Variants in ZSCAN12 observed in about 807,000 individuals in gnomAD.
ZSCAN12 encodes zinc finger and SCAN domain-containing protein 12.
ZSCAN12 carries 18 observed loss-of-function variants against 23.4 expected under a neutral mutation model. That is an observed-to-expected ratio of 0.77 (90% CI 0.53 to 1.14). The LOEUF is 1.14. ZSCAN12 is among the 50% of genes most tolerant of loss of function. The pLI is 0.00. For missense variants in ZSCAN12, 650 were observed against 735.0 expected, an observed-to-expected ratio of 0.88 and a Z score of 1.34; for synonymous variants, 186 against 253.4, an observed-to-expected ratio of 0.73 and a Z score of 2.53.
intron 2 of ZSCAN12, among the ~76,000 whole-genome samples, chr6:28,397,393 G>A (rs1761166790): frequency 6.6e-6 from 1 of 152,116 alleles, no homozygotes; most frequent in Non-Finnish European, 1.5e-5. Context: ...AAAGGTTAGG[G>A]GCATCTGTCC....
downstream of ZSCAN12, chr6:28,382,463 C>T (rs2232439): frequency 6.5e-7 from 1 of 1,546,526 alleles, no homozygotes; most frequent in Admixed American, 2.0e-5. Flanking sequence ...CTAGGCACAG[C>T]CTTCTTCCTT....
rs1000158810 is a variant in ZSCAN12, at chr6:28,390,933, G to T, written c.1357C>A (p.Gln453Lys). The T allele has an allele frequency of 3.8e-6, 6 of 1,562,732 alleles. No homozygotes were observed. The African/African-American group carries it at 5.4e-5, about 14-fold the overall frequency. The part of the protein sequence containing the change: ...QCKECGKSFS[Q>K]SGLIQHQRIH... Reference sequence around the variant, plus strand: ...CTCTGATGCTGAATAAGGCCACTCTGACTGAAGGATTTCCCACATTCCTTA... The same window carrying T: ...CTCTGATGCTGAATAAGGCCACTCTTACTGAAGGATTTCCCACATTCCTTA... The change falls in exon 4 of 4, where the codon CAG becomes AAG. Residue 453 changes from glutamine (Q) to lysine (K), a missense_variant. Physicochemically the swap from Gln to Lys is moderately conservative, Grantham distance 53 (BLOSUM62 1). Coordinates refer to ENST00000684592, the MANE Select transcript of ZSCAN12 (RefSeq NM_001163391.2).
In ZSCAN12 at chr6:28,391,688, T is replaced by C; in HGVS notation, c.602A>G (p.Glu201Gly). 1 of 1,547,350 alleles carries C rather than the reference T, an allele frequency of 6.5e-7. No homozygotes were observed. Among genetic ancestry groups the C allele is most frequent in the Non-Finnish European group, 8.7e-7 (1 of 1,146,376 alleles). ...EYGNLKQEVS[E>G]EMEPHGKTSS... ...TGTCTTCCCATGTGGTTCCATTTCT[T>C]CAGAAACTTCTTGCTTTAAATTCCC... is the stretch of plus-strand genomic sequence containing the variant. The change falls in exon 4 of 4, where the codon GAA becomes GGA. Residue 201 changes from glutamate (E) to glycine (G), a missense_variant. Transcript: ENST00000684592. This position sits in a 1 kb window ranked among gnomAD's most constrained non-coding sequence, Gnocchi z 4.1.
downstream of ZSCAN12, chr6:28,382,593 TGTAGCTG>T (rs1281901961): frequency 1.9e-6 from 3 of 1,551,646 alleles, no homozygotes; most frequent in East Asian, 7.3e-5. Context: ...AGTATTTCCT[TGTAGCTG>T]GTCTTCTTCC....
rs931210357 is a variant in ZSCAN12, at chr6:28,386,893, T to C, written c.*3561A>G. ...ACCAGGCGGGAGAGCAGTGGTGCCA[T>C]CTCAGCTCACTGCAACCTCCACCTC... is the stretch of plus-strand genomic sequence containing the variant. On this transcript the variant is annotated 3_prime_UTR_variant, in exon 4 of 4. Coordinates refer to ENST00000684592, the MANE Select transcript of ZSCAN12 (RefSeq NM_001163391.2). Among the ~76,000 whole-genome samples, 5 of 152,180 alleles carry C rather than the reference T, an allele frequency of 3.3e-5. No individual in the cohort carries two copies. Among genetic ancestry groups the C allele is most frequent in the Non-Finnish European group, 5.9e-5 (4 of 68,028 alleles).
chr6:28,396,598 C>CTGTT (rs909676369), intron 2 of ZSCAN12, among the ~76,000 whole-genome samples: 3 of 151,646 alleles, frequency 2.0e-5, no homozygotes, highest in South Asian at 2.1e-4. Flanking sequence ...TTTCTTTTTT[C>CTGTT]TGTTTGTTTG....
downstream of ZSCAN12, chr6:28,382,568 G>C (rs756728460): frequency 6.4e-7 from 1 of 1,551,660 alleles, no homozygotes; most frequent in East Asian, 2.4e-5. Context: ...TTGGGGTTCA[G>C]AGTGATTTTT....
Position 28,398,261 on chromosome 6 carries a change from A to G in ZSCAN12, c.145T>C (p.Phe49Leu), listed in dbSNP as rs972513301. 1 of 1,612,772 alleles carries G rather than the reference A, an allele frequency of 6.2e-7. No individual in the cohort carries two copies. Among genetic ancestry groups the G allele is most frequent in the Non-Finnish European group, 8.5e-7 (1 of 1,179,362 alleles). Residue 49 changes from phenylalanine to leucine, a missense_variant, in exon 2 of 4, where the codon TTC becomes CTC. Transcript: ENST00000684592. The part of the protein sequence containing the change: ...THSREVFRQY[F>L]RQFCYQETSG... ...GTCTCCTGGTAGCAGAACTGTCTGA[A>G]GTACTGACGGAAGACCTCTCTGCTA...
intron 2 of ZSCAN12, among the ~76,000 whole-genome samples, chr6:28,394,727 C>T (rs1244764993): frequency 1.3e-5 from 2 of 152,132 alleles, no homozygotes; most frequent in East Asian, 1.9e-4. Flanking sequence ...TTGTACCTCC[C>T]TAGCTACTCT....
At position 28,391,044 on chromosome 6, in the gene ZSCAN12, A is replaced by C; in HGVS notation, c.1246T>G (p.Cys416Gly). The C allele has an allele frequency of 6.4e-7, 1 of 1,556,528 alleles. No individual in the cohort carries two copies. Among genetic ancestry groups the C allele is most frequent in the Non-Finnish European group, 8.7e-7 (1 of 1,149,418 alleles). ...GVHTGAKPYECNECGKAFVYN... is the reference protein window; with the variant it reads ...GVHTGAKPYEGNECGKAFVYN... Reference sequence around the variant, plus strand: ...ACAAAGGCTTTTCCACACTCGTTGCACTCATACGGCTTGGCGCCGGTATGA... The same window carrying C: ...ACAAAGGCTTTTCCACACTCGTTGCCCTCATACGGCTTGGCGCCGGTATGA... Residue 416 changes from cysteine (C) to glycine (G), a missense_variant, in exon 4 of 4, where the codon TGC becomes GGC. Coordinates refer to ENST00000684592, the MANE Select transcript of ZSCAN12 (RefSeq NM_001163391.2). This position sits in a 1 kb window ranked among gnomAD's most constrained non-coding sequence, Gnocchi z 4.1.
At chr6:28,392,769 A>G in intron 3 of ZSCAN12, 133 bp downstream of exon 3, 1 of 937,866 alleles carries the variant, frequency 1.1e-6, no homozygotes, top group Non-Finnish European at 1.6e-6. Flanking sequence ...CTGAGAGTCT[A>G]TATATGAGCC....
downstream of ZSCAN12, chr6:28,380,736 A>T (rs1294927313): frequency 1.3e-5 from 2 of 153,728 alleles, no homozygotes; most frequent in Non-Finnish European, 2.9e-5. Context: ...CTCACCATAA[A>T]CTAAAGCTTT....
chr6:28,382,842 TC>T (rs547744581), downstream of ZSCAN12, among the ~76,000 whole-genome samples: 8 of 151,530 alleles, frequency 5.3e-5, no homozygotes, highest in East Asian at 1.9e-4. Flanking sequence ...TTCCCTTGGC[TC>T]CCCCCCACTT....
Position 28,398,343 on chromosome 6 carries a change from T to C in ZSCAN12, c.63A>G (p.Ile21Met). The change falls in exon 2 of 4, where the codon ATA (isoleucine) becomes ATG (methionine). Residue 21 changes from isoleucine to methionine, a missense_variant. By Grantham distance (10) the Ile-to-Met change is conservative. Transcript: ENST00000684592. ...GTCTGGTGGTATATTTCTCTTCCTC[T>C]ATCTTTACTTCCAAAGGTTCATCCT... ...MDQDEPLEVK[I>M]EEEKYTTRQD... 1 of 1,553,566 alleles carries C rather than the reference T, an allele frequency of 6.4e-7. No homozygotes were observed. The highest frequency in any genetic ancestry group is 1.2e-5 in the South Asian group (1 of 84,356).
chr6:28,394,857 G>A (rs918287377), intron 2 of ZSCAN12, among the ~76,000 whole-genome samples: 1 of 151,846 alleles, frequency 6.6e-6, no homozygotes, highest in African/African-American at 2.4e-5. Flanking sequence ...CTGAATTCCA[G>A]TTTATTATAT....
intron 2 of ZSCAN12, among the ~76,000 whole-genome samples, chr6:28,395,997 T>A (rs1055867114): frequency 7.3e-5 from 11 of 151,490 alleles, no homozygotes; most frequent in Non-Finnish European, 1.6e-4. Context: ...TATTACCACC[T>A]ACATCTTGTA....
downstream of ZSCAN12, chr6:28,382,263 T>A: frequency 2.0e-6 from 1 of 498,674 alleles, no homozygotes; most frequent in South Asian, 4.9e-5. Flanking sequence ...ATTTCTGGTC[T>A]CAGGAACTAC....
exon 5 of ZSCAN12, chr6:28,379,417 T>C (rs1389186243): frequency 6.6e-6 from 1 of 152,062 alleles, no homozygotes; most frequent in Non-Finnish European, 1.5e-5. Flanking sequence ...CTGGCCAACA[T>C]GGTGAAACCC....
rs1761224916 is a variant in ZSCAN12, at chr6:28,398,276, CCTCTCTGCT to C, written c.121_129del (p.Ser41_Glu43del). The C allele has an allele frequency of 5.6e-6, 9 of 1,608,400 alleles. No homozygotes were observed. Among genetic ancestry groups the C allele is most frequent in the African/African-American group, 1.3e-5 (1 of 74,766 alleles). ...AACTGTCTGAAGTACTGACGGAAGA[CCTCTCTGCT>C]ATGGGTGTTGTTTTTACGCAGGTCC... On this transcript the variant is annotated inframe_deletion, in exon 2 of 4. Coordinates refer to ENST00000684592, the MANE Select transcript of ZSCAN12 (RefSeq NM_001163391.2).
Sources: allele counts gnomAD v4.1 joint callset (sites outside exome capture counted in the v4.1 genomes callset), GRCh38; gene constraint gnomAD v4.1.1; non-coding constraint Gnocchi (gnomAD v3.1); transcripts MANE v1.5; gene names NCBI Gene and HGNC (gene_info 2026-07-23, HGNC 2026-07-21).